The following TMC7 variants were observed in gnomAD, a reference collection of about 807,000 sequenced individuals.
TMC7 encodes the protein transmembrane channel-like protein 7.
TMC7 carries 54 observed loss-of-function variants against 82.9 expected under a neutral mutation model. That is an observed-to-expected ratio of 0.65 (90% CI 0.52 to 0.82). The LOEUF (loss-of-function observed/expected upper bound fraction) is 0.82. Among genes scored for constraint, TMC7 ranks in the 40% least tolerant of loss-of-function variants. The pLI, the probability that TMC7 is intolerant of heterozygous loss-of-function variation, is 0.00. For missense variants in TMC7, 820 were observed against 901.2 expected, an observed-to-expected ratio of 0.91 and a Z score of 1.15; for synonymous variants, 350 against 337.9, an observed-to-expected ratio of 1.04 and a Z score of -0.39.
At chr16:19,040,208 G>C (rs1960948220) in intron 8 of TMC7, 81 bp from the exon 9 acceptor site, 1 of 1,292,262 alleles carries the variant, frequency 7.7e-7, no homozygotes, top group Admixed American at 2.2e-5. Context: ...AACACACATA[G>C]TTGAGTTCTT....
intron 1 of TMC7, among the ~76,000 whole-genome samples, chr16:18,996,775 C>T (rs189024041): frequency 3.3e-4 from 50 of 152,298 alleles, no homozygotes; most frequent in African/African-American, 1.1e-3. Flanking sequence ...CCGCAATTGA[C>T]TTGCCACCAA....
intron 5 of TMC7, among the ~76,000 whole-genome samples, chr16:19,026,901 A>G (rs1394697457): frequency 6.8e-6 from 1 of 147,246 alleles, no homozygotes; most frequent in Admixed American, 6.9e-5. Flanking sequence ...AGCTGGGGTT[A>G]CAGGCGCCCA....
chr16:19,006,028 G>A (rs1458753401), intron 1 of TMC7, among the ~76,000 whole-genome samples: 3 of 152,128 alleles, frequency 2.0e-5, no homozygotes, highest in Non-Finnish European at 4.4e-5. Flanking sequence ...GGCCTTGACC[G>A]GTCCCCACCT....
intron 9 of TMC7, among the ~76,000 whole-genome samples, chr16:19,043,275 C>T (rs951723506): frequency 6.6e-6 from 1 of 152,090 alleles, no homozygotes; most frequent in Non-Finnish European, 1.5e-5. Flanking sequence ...TGCCAGACAT[C>T]CCGCGACCCT....
chr16:19,039,092 CT>C (rs376747652), intron 8 of TMC7, among the ~76,000 whole-genome samples: 120 of 130,432 alleles, frequency 9.2e-4, no homozygotes, highest in East Asian at 1.7e-3. Context: ...TTTCTTTTTT[CT>C]TTTTTTTTTT....
At chr16:18,998,431 A>AC (rs1230509068) in intron 1 of TMC7, among the ~76,000 whole-genome samples, 3 of 151,956 alleles carry the variant, frequency 2.0e-5, no homozygotes, top group Admixed American at 6.6e-5. Context: ...TGCCCCACAG[A>AC]CCCCTGACCA....
chr16:19,011,710 C>T (rs961818515), intron 2 of TMC7, among the ~76,000 whole-genome samples: 6 of 151,846 alleles, frequency 4.0e-5, no homozygotes, highest in Non-Finnish European at 8.8e-5. Context: ...AGAGTAAGAC[C>T]CTGTCTCTAT....
intron 1 of TMC7, among the ~76,000 whole-genome samples, chr16:18,990,264 A>C (rs1192462064): frequency 6.6e-6 from 1 of 152,088 alleles, no homozygotes; most frequent in Non-Finnish European, 1.5e-5. Flanking sequence ...TCTTTTGTGG[A>C]TCTTCAGTTA....
At chr16:19,001,462 C>T (rs1230840423) in intron 1 of TMC7, among the ~76,000 whole-genome samples, 1 of 152,192 alleles carries the variant, frequency 6.6e-6, no homozygotes, top group Non-Finnish European at 1.5e-5. Flanking sequence ...GGGAGGATCA[C>T]TTGAGCCCAG....
At chr16:19,020,353 G>A (rs189244077) in intron 3 of TMC7, among the ~76,000 whole-genome samples, 2 of 152,006 alleles carry the variant, frequency 1.3e-5, no homozygotes, top group African/African-American at 2.4e-5. Flanking sequence ...TAGGATGGGC[G>A]GGGGGAAGGA....
At chr16:19,021,989 G>A (rs1960001638) in intron 4 of TMC7, among the ~76,000 whole-genome samples, 193 bp downstream of exon 4, 1 of 152,116 alleles carries the variant, frequency 6.6e-6, no homozygotes, top group South Asian at 2.1e-4. Context: ...ATGCAGGCAC[G>A]ACAGCATAAC....
intron 5 of TMC7, among the ~76,000 whole-genome samples, chr16:19,026,256 C>T (rs9745771): frequency 0.012 from 1,821 of 151,734 alleles, 45 homozygotes; most frequent in African/African-American, 0.042. Flanking sequence ...GCGGGTGGAT[C>T]ATGAGGTCAG....
chr16:19,001,228 AATT>A (rs891994474), intron 1 of TMC7, among the ~76,000 whole-genome samples: 1 of 152,082 alleles, frequency 6.6e-6, no homozygotes, highest in African/African-American at 2.4e-5. Context: ...TTCATTCCTG[AATT>A]ATTCATTCAT....
intron 1 of TMC7, 29 bp downstream of exon 1, chr16:18,984,159 C>T (rs571719469): frequency 2.7e-6 from 4 of 1,485,278 alleles, no homozygotes; most frequent in Admixed American, 2.2e-5. Flanking sequence ...CGCGCGGGGA[C>T]GGTGCCCCTG....
chr16:18,989,811 G>T (rs1402153760), intron 1 of TMC7, among the ~76,000 whole-genome samples: 1 of 151,920 alleles, frequency 6.6e-6, no homozygotes, highest in African/African-American at 2.4e-5. Flanking sequence ...GCCTCTCGGG[G>T]GGAGGCGACT....
chr16:19,001,076 A>G (rs2039133340), intron 1 of TMC7, among the ~76,000 whole-genome samples: 1 of 152,220 alleles, frequency 6.6e-6, no homozygotes, highest in South Asian at 2.1e-4. Flanking sequence ...CATCATTCAT[A>G]TAGAGAAGAA....
At chr16:18,991,548 C>T (rs2038951432) in intron 1 of TMC7, among the ~76,000 whole-genome samples, 1 of 152,102 alleles carries the variant, frequency 6.6e-6, no homozygotes, top group Non-Finnish European at 1.5e-5. Flanking sequence ...AAGAGAATTG[C>T]AAAGCCAGCA....
In TMC7 at chr16:19,040,304, G is replaced by T. The variant is rs774776409; in HGVS notation, c.1195G>T (p.Val399Phe). Residue 399 changes from valine to phenylalanine, a missense_variant, in exon 9 of 16, where the codon GTT becomes TTT. Physicochemically the swap from Val to Phe is conservative, Grantham distance 50 (BLOSUM62 -1). Transcript: ENST00000304381. ...ATCCTCCTAGGAAATCGACAAGATG[G>T]TTTTTGGAGAGAACCTCTTCATATT... ...EHMKKEIDKMVFGENLFILYL... is the reference protein window; with the variant it reads ...EHMKKEIDKMFFGENLFILYL... 1 of 1,613,484 alleles carries T rather than the reference G, an allele frequency of 6.2e-7. No individual in the cohort carries two copies. The highest frequency in any genetic ancestry group is 8.5e-7 in the Non-Finnish European group (1 of 1,179,894).
intron 1 of TMC7, among the ~76,000 whole-genome samples, chr16:18,995,762 C>A (rs1410013367): frequency 6.6e-6 from 1 of 152,126 alleles, no homozygotes; most frequent in Non-Finnish European, 1.5e-5. Context: ...TTATTGTACA[C>A]CTTGAAAGCG....
Sources: gnomAD v4.1 joint callset for allele counts (sites outside exome capture counted in the v4.1 genomes callset) on GRCh38, gnomAD v4.1.1 for gene constraint, MANE v1.5 for transcripts, NCBI Gene and HGNC (gene_info 2026-07-23, HGNC 2026-07-21) for gene names.